SMURF1: variants seen among roughly 807,000 people sequenced by gnomAD.
SMURF1 encodes SMAD specific E3 ubiquitin protein ligase 1, also known as E3 ubiquitin-protein ligase SMURF1.
SMURF1 carries 44 observed loss-of-function variants against 98.0 expected under a neutral mutation model. The observed-to-expected ratio is 0.45, with a 90% CI of 0.35 to 0.58. The LOEUF (loss-of-function observed/expected upper bound fraction) is 0.58. SMURF1 is among the 20% of genes least tolerant of loss of function. The pLI, the probability that SMURF1 is intolerant of heterozygous loss-of-function variation, is 0.00. For synonymous variants in SMURF1, 396 were observed against 374.9 expected (o/e 1.06, Z -0.65); for missense variants, 687 against 938.4 (o/e 0.73, Z 3.50).
chr7:99,063,272 T>G (rs1224060011), intron 1 of SMURF1, among the ~76,000 whole-genome samples: 3,201 of 17,030 alleles, frequency 0.19, 435 homozygotes, highest in Middle Eastern at 0.36. Flanking sequence ...TATATATATA[T>G]ATATATATAT....
intron 1 of SMURF1, among the ~76,000 whole-genome samples, chr7:99,092,195 C>G (rs554637674): frequency 3.9e-5 from 6 of 152,166 alleles, no homozygotes; most frequent in Admixed American, 6.5e-5. Flanking sequence ...ATCGAGGACT[C>G]AAAGGTCTGG....
intron 3 of SMURF1, among the ~76,000 whole-genome samples, chr7:99,057,968 C>T (rs528089332): frequency 6.6e-6 from 1 of 152,004 alleles, no homozygotes; most frequent in Admixed American, 6.6e-5. Context: ...AATAATGTTG[C>T]CTCTGTATTA....
At chr7:99,059,839 TGGA>T (rs1018643989) in intron 3 of SMURF1, among the ~76,000 whole-genome samples, 2 of 146,430 alleles carry the variant, frequency 1.4e-5, no homozygotes, top group African/African-American at 5.1e-5. Context: ...ATCCAGGAGG[TGGA>T]GGTCACAGTG....
chr7:99,094,551 T>A (rs1182340662), intron 1 of SMURF1, among the ~76,000 whole-genome samples: 1 of 152,148 alleles, frequency 6.6e-6, no homozygotes, highest in Non-Finnish European at 1.5e-5. Context: ...TCATGTTTGA[T>A]TGGTAAGTAG....
chr7:99,078,126 C>T (rs984846565), intron 1 of SMURF1, among the ~76,000 whole-genome samples: 5 of 151,952 alleles, frequency 3.3e-5, no homozygotes, highest in Admixed American at 1.3e-4. Context: ...ATGGTGAAAC[C>T]CCGTCTCTAC....
chr7:99,083,960 C>T lies in SMURF1; in HGVS notation c.56-22123G>A, dbSNP rs188118978. ...CACTTGATCGATATTTGCTGATGAG[C>T]GCCACTTGATATTGTATGCCTGACT... On this transcript the variant is annotated intron_variant, in intron 1 of 17. Coordinates refer to ENST00000361368, the MANE Select transcript of SMURF1 (RefSeq NM_181349.3). Among the ~76,000 whole-genome samples, 127 of 152,328 alleles carry T rather than the reference C, an allele frequency of 8.3e-4. 1 individual carries two copies. The highest frequency in any genetic ancestry group is 3.0e-3 in the African/African-American group (125 of 41,578).
intron 1 of SMURF1, among the ~76,000 whole-genome samples, chr7:99,107,397 C>T (rs1296712742): frequency 6.6e-6 from 1 of 152,156 alleles, no homozygotes; most frequent in Admixed American, 6.5e-5. Context: ...TAAATATATA[C>T]ACCTACTATG....
At position 99,070,860 on chromosome 7, in the gene SMURF1, C is replaced by T. The variant is rs148373508; in HGVS notation, c.56-9023G>A. Reference sequence around the variant, plus strand: ...TTGCAAGCGCCACAATGTGATGTGTCTGACTCCTATGCCATGTTCACAAGG... The same window carrying T: ...TTGCAAGCGCCACAATGTGATGTGTTTGACTCCTATGCCATGTTCACAAGG... On this transcript the variant is annotated intron_variant, in intron 1 of 17. Transcript: ENST00000361368. Among the ~76,000 whole-genome samples the T allele has an allele frequency of 1.5e-4, 23 of 152,212 alleles. No homozygotes were observed. In the East Asian group the frequency reaches 3.5e-3, roughly 23 times the overall value.
intron 8 of SMURF1, chr7:99,050,986 C>T (rs774710607): frequency 9.0e-6 from 14 of 1,550,966 alleles, no homozygotes; most frequent in East Asian, 7.3e-5. Context: ...GAATGGTCCC[C>T]GAGGGACTGA....
chr7:99,031,378 A>G (rs1562993923), intron 17 of SMURF1: 2 of 152,266 alleles, frequency 1.3e-5, no homozygotes, highest in Non-Finnish European at 2.9e-5. Context: ...GTGCAAAGAA[A>G]AAGACATCCT....
intron 1 of SMURF1, among the ~76,000 whole-genome samples, chr7:99,066,804 A>G (rs1796207175): frequency 6.6e-6 from 1 of 151,374 alleles, no homozygotes; most frequent in Non-Finnish European, 1.5e-5. Context: ...AAAAAAGAAA[A>G]GAAGAAATTT....
At chr7:99,049,090 CAAA>C (rs548044588) in intron 9 of SMURF1, 51 of 69,444 alleles carry the variant, frequency 7.3e-4, no homozygotes, top group South Asian at 1.3e-3. Context: ...GACTCTGTCT[CAAA>C]AAAAAAAAAA....
intron 6 of SMURF1, among the ~76,000 whole-genome samples, chr7:99,053,905 A>G (rs1341194041): frequency 2.6e-5 from 4 of 151,980 alleles, no homozygotes; most frequent in African/African-American, 9.7e-5. Context: ...AATATATCTG[A>G]TATGTTCCAA....
chr7:99,124,248 T>A (rs1797700635), intron 1 of SMURF1, among the ~76,000 whole-genome samples: 1 of 152,198 alleles, frequency 6.6e-6, no homozygotes, highest in Non-Finnish European at 1.5e-5. Context: ...AGAGCTGTAC[T>A]GGAAATCCAG....
At chr7:99,037,618 G>GACAA (rs968764825) in intron 14 of SMURF1, among the ~76,000 whole-genome samples, 1 of 152,208 alleles carries the variant, frequency 6.6e-6, no homozygotes, top group African/African-American at 2.4e-5. Context: ...CTCCAAGACA[G>GACAA]ACAAACACAC....
intron 7 of SMURF1, among the ~76,000 whole-genome samples, chr7:99,051,643 C>A (rs1351734142): frequency 6.6e-6 from 1 of 152,192 alleles, no homozygotes; most frequent in African/African-American, 2.4e-5. Flanking sequence ...ACTACAGACA[C>A]CCTCATCTAG....
At chr7:99,047,540 G>T in intron 10 of SMURF1, 144 bp downstream of exon 10, 1 of 802,340 alleles carries the variant, frequency 1.2e-6, no homozygotes, top group Non-Finnish European at 2.0e-6. Context: ...CAAACAGAAA[G>T]AAGGGTTCCC....
chr7:99,033,617 A>T (rs1247544087), intron 16 of SMURF1, among the ~76,000 whole-genome samples: 1 of 152,162 alleles, frequency 6.6e-6, no homozygotes, highest in Non-Finnish European at 1.5e-5. Context: ...CCAAGATGCC[A>T]ACATTTTAGA....
chr7:99,033,836 C>G (rs1335838797), intron 16 of SMURF1, among the ~76,000 whole-genome samples: 1 of 152,198 alleles, frequency 6.6e-6, no homozygotes, highest in Non-Finnish European at 1.5e-5. Flanking sequence ...AAGTGAGCAC[C>G]AGGCTGGCCA....
Sources: allele counts gnomAD v4.1 joint callset (sites outside exome capture counted in the v4.1 genomes callset), GRCh38; gene constraint gnomAD v4.1.1; transcripts MANE v1.5; gene names NCBI Gene and HGNC (gene_info 2026-07-23, HGNC 2026-07-21).